SGCZ: variants seen among roughly 807,000 people sequenced by gnomAD.
SGCZ encodes the protein zeta-sarcoglycan.
Under a neutral mutation model 41.3 loss-of-function variants are expected in SGCZ, and 40 were observed. The observed-to-expected ratio is 0.97, with a 90% CI of 0.75 to 1.26. The LOEUF is 1.26. Among genes scored for constraint, SGCZ ranks in the 50% most tolerant of loss-of-function variants. The pLI is 0.00. For synonymous variants in SGCZ, 206 were observed against 137.5 expected, an observed-to-expected ratio of 1.50 and a Z score of -3.49; for missense variants, 552 against 369.8, an observed-to-expected ratio of 1.49 and a Z score of -4.04.
chr8:14,950,833 GTC>G (rs1800608007), intron 1 of SGCZ, among the ~76,000 whole-genome samples: 1 of 151,862 alleles, frequency 6.6e-6, no homozygotes, highest in Non-Finnish European at 1.5e-5. Context: ...TGGCTTAGAA[GTC>G]TAATCAAAAA....
chr8:14,667,498 T>C (rs1209387842), intron 1 of SGCZ, among the ~76,000 whole-genome samples: 3 of 152,166 alleles, frequency 2.0e-5, no homozygotes, highest in Non-Finnish European at 4.4e-5. Flanking sequence ...GAGAAATGCA[T>C]TTCAACTGTT....
At chr8:14,769,104 G>T (rs913794883) in intron 1 of SGCZ, among the ~76,000 whole-genome samples, 11 of 151,784 alleles carry the variant, frequency 7.2e-5, no homozygotes, top group Admixed American at 5.9e-4. Context: ...AAATAAATCC[G>T]CCGAATAAAA....
chr8:14,090,697 A>G (rs1801664375), intron 7 of SGCZ, 60 bp from the exon 8 acceptor site: 1 of 1,418,924 alleles, frequency 7.0e-7, no homozygotes, highest in Non-Finnish European at 9.6e-7. Context: ...CGAGTAATCT[A>G]CATCCCTCCT....
At chr8:15,205,629 A>C (rs976895482) in intron 1 of SGCZ, among the ~76,000 whole-genome samples, 1 of 152,200 alleles carries the variant, frequency 6.6e-6, no homozygotes, top group Non-Finnish European at 1.5e-5. Context: ...GCTGTGGAGA[A>C]AAGGGAACGC....
intron 1 of SGCZ, among the ~76,000 whole-genome samples, chr8:15,196,316 TG>T (rs1800730367): frequency 2.0e-5 from 3 of 152,210 alleles, no homozygotes; most frequent in African/African-American, 4.8e-5. Context: ...TGCTCAAAAC[TG>T]GATTTGACAA....
chr8:15,224,018 C>T (rs995594116), intron 1 of SGCZ, among the ~76,000 whole-genome samples: 5 of 152,100 alleles, frequency 3.3e-5, no homozygotes, highest in Admixed American at 3.3e-4. Context: ...CCACACCCAG[C>T]TAATTTTTTG....
At chr8:14,430,910 C>G (rs1379570899) in intron 2 of SGCZ, among the ~76,000 whole-genome samples, 2 of 152,148 alleles carry the variant, frequency 1.3e-5, no homozygotes, top group Non-Finnish European at 2.9e-5. Flanking sequence ...AGCGACCAAG[C>G]TGAGAATCAA....
chr8:14,609,700 C>T (rs1397597089), intron 1 of SGCZ, among the ~76,000 whole-genome samples: 1 of 152,084 alleles, frequency 6.6e-6, no homozygotes, highest in African/African-American at 2.4e-5. Flanking sequence ...CCTCTGGGTA[C>T]CCAGAACTGA....
At chr8:14,478,464 G>A (rs779617223) in intron 2 of SGCZ, among the ~76,000 whole-genome samples, 1 of 152,110 alleles carries the variant, frequency 6.6e-6, no homozygotes, top group Non-Finnish European at 1.5e-5. Flanking sequence ...CCAACTACAT[G>A]ACATTCCAAG....
rs1450214395 is a variant in SGCZ, at chr8:14,467,853, G to T, written c.234+86879C>A. ...ACATCTTCTTAAATCAGATCCTACTGATGCAAAGTCATTCTCTGAGAGTAA... is the reference window on the plus strand; with the variant it reads ...ACATCTTCTTAAATCAGATCCTACTTATGCAAAGTCATTCTCTGAGAGTAA... On this transcript the variant is annotated intron_variant, in intron 2 of 7. Coordinates refer to ENST00000382080, the MANE Select transcript of SGCZ (RefSeq NM_139167.4). 3.3e-5 allele frequency among the ~76,000 whole-genome samples: 5 copies of T among 151,974 alleles called. No homozygotes were observed. The East Asian group carries it at 9.6e-4, about 29-fold the overall frequency.
At chr8:14,432,968 C>T (rs1316429929) in intron 2 of SGCZ, among the ~76,000 whole-genome samples, 2 of 149,386 alleles carry the variant, frequency 1.3e-5, no homozygotes, top group African/African-American at 5.0e-5. Flanking sequence ...CAAACACCAC[C>T]TGTTCTCCAA....
At chr8:14,705,896 C>G (rs1333703039) in intron 1 of SGCZ, among the ~76,000 whole-genome samples, 2 of 152,058 alleles carry the variant, frequency 1.3e-5, no homozygotes. Flanking sequence ...GAGAAAGTCT[C>G]TCTTCCCCAC....
At chr8:14,366,305 C>G (rs1257801867) in intron 2 of SGCZ, among the ~76,000 whole-genome samples, 2 of 152,106 alleles carry the variant, frequency 1.3e-5, no homozygotes, top group Non-Finnish European at 2.9e-5. Context: ...GGAGCAAAGG[C>G]CCATCATACA....
At chr8:14,236,523 T>C (rs1263005312) in intron 4 of SGCZ, among the ~76,000 whole-genome samples, 1 of 152,014 alleles carries the variant, frequency 6.6e-6, no homozygotes, top group Non-Finnish European at 1.5e-5. Flanking sequence ...AATGTATTAT[T>C]TTTGCATAAT....
At chr8:14,946,057 A>G (rs1290372742) in intron 1 of SGCZ, among the ~76,000 whole-genome samples, 1 of 52,290 alleles carries the variant, frequency 1.9e-5, no homozygotes, top group Non-Finnish European at 3.8e-5. Context: ...TATATATATG[A>G]ATCATTCTGT....
At chr8:15,042,897 T>C (rs1178066324) in intron 1 of SGCZ, among the ~76,000 whole-genome samples, 1 of 152,160 alleles carries the variant, frequency 6.6e-6, no homozygotes, top group African/African-American at 2.4e-5. Flanking sequence ...GCATATATTG[T>C]TTGTTTTATT....
intron 4 of SGCZ, among the ~76,000 whole-genome samples, chr8:14,184,403 G>C (rs1804836312): frequency 6.6e-6 from 1 of 152,070 alleles, no homozygotes; most frequent in Non-Finnish European, 1.5e-5. Context: ...ATGTAATCCA[G>C]AGTATTAATT....
intron 1 of SGCZ, among the ~76,000 whole-genome samples, chr8:14,858,814 TA>T (rs1683900585): frequency 6.6e-6 from 1 of 152,166 alleles, no homozygotes; most frequent in African/African-American, 2.4e-5. Flanking sequence ...TCCGCTTTGT[TA>T]AATGCCTAAC....
At chr8:14,791,368 T>A (rs938295517) in intron 1 of SGCZ, among the ~76,000 whole-genome samples, 5 of 152,042 alleles carry the variant, frequency 3.3e-5, no homozygotes, top group African/African-American at 1.2e-4. Context: ...CTCACCATTG[T>A]GGGAGTGCGC....
Sources: allele counts gnomAD v4.1 joint callset (sites outside exome capture counted in the v4.1 genomes callset), GRCh38; gene constraint gnomAD v4.1.1; transcripts MANE v1.5; gene names NCBI Gene and HGNC (gene_info 2026-07-23, HGNC 2026-07-21).